Variants in ADAMTSL3 observed in about 807,000 individuals in gnomAD.
ADAMTSL3 encodes ADAMTS-like protein 3.
ADAMTSL3 carries 128 observed loss-of-function variants against 201.7 expected under a neutral mutation model. The observed-to-expected ratio is 0.63, with a 90% CI of 0.55 to 0.73. The LOEUF (loss-of-function observed/expected upper bound fraction) is 0.73, where lower values mean the gene tolerates loss of function less well. Ranked by LOEUF, ADAMTSL3 falls within the 30% of genes least tolerant of loss-of-function variation. The pLI, the probability that ADAMTSL3 is intolerant of heterozygous loss-of-function variation, is 0.00. For synonymous variants in ADAMTSL3, 738 were observed against 748.4 expected (o/e 0.99, Z 0.23); for missense variants, 1,990 against 2,119.6 (o/e 0.94, Z 1.20).
intron 5 of ADAMTSL3, among the ~76,000 whole-genome samples, chr15:83,819,219 C>A (rs538874308): frequency 6.8e-6 from 1 of 146,232 alleles, no homozygotes; most frequent in South Asian, 2.2e-4. Context: ...TGCAGTGAGC[C>A]GAGCCACTGC....
At chr15:83,822,221 G>A (rs1464756078) in intron 6 of ADAMTSL3, among the ~76,000 whole-genome samples, 41 of 131,894 alleles carry the variant, frequency 3.1e-4, no homozygotes, top group South Asian at 1.0e-3. Flanking sequence ...GGGCGGAGAC[G>A]CTCCTCACTT....
At position 83,983,040 on chromosome 15, in the gene ADAMTSL3, T is replaced by C; in HGVS notation, c.3412T>C (p.Trp1138Arg). 10 of 1,614,058 alleles carry C rather than the reference T, an allele frequency of 6.2e-6. No individual in the cohort carries two copies. The highest frequency in any genetic ancestry group is 1.3e-5 in the African/African-American group (1 of 74,998). Reference protein sequence around the residue: ...LAKAQPTHMQWRGIQEETPPA... With the variant: ...LAKAQPTHMQRRGIQEETPPA... ...CAAGGCACAGCCAACACACATGCAG[T>C]GGCGGGGCATCCAGGAAGAGACACC... is the stretch of plus-strand genomic sequence containing the variant. The change falls in exon 21 of 30, where the codon TGG becomes CGG. Residue 1138 changes from tryptophan (W) to arginine (R), a missense_variant. Coordinates refer to ENST00000286744, the MANE Select transcript of ADAMTSL3 (RefSeq NM_207517.3).
At chr15:83,836,280 C>G (rs1029039291) in intron 6 of ADAMTSL3, among the ~76,000 whole-genome samples, 7 of 152,162 alleles carry the variant, frequency 4.6e-5, no homozygotes, top group Admixed American at 2.6e-4. Flanking sequence ...TTCAAACTTT[C>G]TCATATTGAA....
At chr15:83,911,847 T>C (rs1248115870) in intron 15 of ADAMTSL3, among the ~76,000 whole-genome samples, 2 of 152,216 alleles carry the variant, frequency 1.3e-5, no homozygotes, top group Admixed American at 1.3e-4. Context: ...ACAAACATCT[T>C]AGCAGTGTTT....
intron 4 of ADAMTSL3, among the ~76,000 whole-genome samples, chr15:83,790,766 T>C (rs1221722440): frequency 2.0e-5 from 3 of 152,142 alleles, no homozygotes; most frequent in African/African-American, 7.2e-5. Context: ...CCAAGAAATC[T>C]ACAAGGTAAC....
chr15:83,906,084 G>A (rs1033595104), intron 15 of ADAMTSL3, among the ~76,000 whole-genome samples: 17 of 151,974 alleles, frequency 1.1e-4, no homozygotes, highest in African/African-American at 3.6e-4. Flanking sequence ...TTAAAATGAC[G>A]TCATTGTACA....
chr15:83,946,438 G>T (rs563479647), intron 19 of ADAMTSL3, among the ~76,000 whole-genome samples: 1 of 152,122 alleles, frequency 6.6e-6, no homozygotes, highest in South Asian at 2.1e-4. Flanking sequence ...CAGCATTTCC[G>T]ACTTTTAAAT....
chr15:83,881,989 T>C (rs548094436), intron 9 of ADAMTSL3, among the ~76,000 whole-genome samples: 1 of 151,470 alleles, frequency 6.6e-6, no homozygotes, highest in East Asian at 1.9e-4. Context: ...CTATCTCTAC[T>C]AAAAAAAATA....
rs866910304 is a variant in ADAMTSL3, at chr15:83,714,896, T to C, written c.189+10388T>C. Among the ~76,000 whole-genome samples the C allele has an allele frequency of 1.1e-3, 53 of 49,120 alleles. 1 individual carries two copies. The highest frequency in any genetic ancestry group is 1.4e-3 in the East Asian group (2 of 1,450). 32.2% of individuals were successfully genotyped at this position (49,120 alleles called of 152,430 possible). On this transcript the variant is annotated intron_variant, in intron 3 of 29. Transcript: ENST00000286744. ...TCCCTCCCTTCCTTCCTTCCTTCCT[T>C]CCTTCCTTCCTTCCTTCCTTCCTTC...
At position 83,885,172 on chromosome 15, in the gene ADAMTSL3, A is replaced by G. The variant is rs963334475; in HGVS notation, c.1032A>G (p.Arg344=). 1 of 1,614,116 alleles carries G rather than the reference A, an allele frequency of 6.2e-7. No individual in the cohort carries two copies. The highest frequency in any genetic ancestry group is 1.3e-5 in the African/African-American group (1 of 75,056). The change falls in exon 10 of 30, where the codon AGA becomes AGG. Residue 344 remains arginine (R), a synonymous_variant. Coordinates refer to ENST00000286744, the MANE Select transcript of ADAMTSL3 (RefSeq NM_207517.3). ...ACCAGCCCATCAGTCATCAGTGGAG[A>G]CAAACTGACTTCTTTCCCTGCACTG... ...FFYQPISHQW[R]QTDFFPCTVT...
At chr15:83,978,413 C>CTCT (rs1000549949) in intron 20 of ADAMTSL3, among the ~76,000 whole-genome samples, 7 of 151,910 alleles carry the variant, frequency 4.6e-5, no homozygotes, top group Non-Finnish European at 7.4e-5. Context: ...TGGGTTAATG[C>CTCT]TCTTGCACAG....
chr15:84,013,765 C>G (rs2068043010), intron 23 of ADAMTSL3, among the ~76,000 whole-genome samples: 1 of 152,040 alleles, frequency 6.6e-6, no homozygotes, highest in Non-Finnish European at 1.5e-5. Flanking sequence ...GAGCCTCCAT[C>G]TCAAAAAGAA....
intron 3 of ADAMTSL3, among the ~76,000 whole-genome samples, chr15:83,735,341 T>C (rs1244667993): frequency 6.6e-6 from 1 of 152,146 alleles, no homozygotes; most frequent in African/African-American, 2.4e-5. Flanking sequence ...CACAGATTCA[T>C]AAGATAATAA....
intron 3 of ADAMTSL3, among the ~76,000 whole-genome samples, chr15:83,733,858 C>T (rs991889857): frequency 3.9e-5 from 6 of 152,082 alleles, no homozygotes; most frequent in Admixed American, 1.3e-4. Flanking sequence ...ATTTATTTGG[C>T]GTAGTGCCCA....
intron 4 of ADAMTSL3, among the ~76,000 whole-genome samples, chr15:83,795,074 G>A (rs1226821662): frequency 6.6e-6 from 1 of 151,906 alleles, no homozygotes; most frequent in Non-Finnish European, 1.5e-5. Context: ...GGCTGGTCTC[G>A]AACTCCTGAC....
chr15:83,864,297 A>G (rs982716144), intron 8 of ADAMTSL3, among the ~76,000 whole-genome samples: 2 of 152,214 alleles, frequency 1.3e-5, no homozygotes, highest in Non-Finnish European at 2.9e-5. Context: ...AAAGCCTGGC[A>G]GAGACACAAC....
At chr15:83,878,994 G>T (rs577974752) in intron 9 of ADAMTSL3, among the ~76,000 whole-genome samples, 6 of 151,756 alleles carry the variant, frequency 4.0e-5, no homozygotes, top group Non-Finnish European at 8.8e-5. Context: ...TCTTATGTCC[G>T]TTTTGTTTCA....
chr15:83,719,115 C>T (rs1478075189), intron 3 of ADAMTSL3, among the ~76,000 whole-genome samples: 1 of 152,214 alleles, frequency 6.6e-6, no homozygotes, highest in Non-Finnish European at 1.5e-5. Flanking sequence ...GAACCCAGTA[C>T]TACCCATGTA....
chr15:83,722,087 G>A (rs2141577579), intron 3 of ADAMTSL3, among the ~76,000 whole-genome samples: 1 of 152,290 alleles, frequency 6.6e-6, no homozygotes, highest in East Asian at 1.9e-4. Flanking sequence ...AAACTCATGA[G>A]GCAGGACAGA....
Sources: allele counts gnomAD v4.1 joint callset (sites outside exome capture counted in the v4.1 genomes callset), GRCh38; gene constraint gnomAD v4.1.1; transcripts MANE v1.5; gene names NCBI Gene and HGNC (gene_info 2026-07-23, HGNC 2026-07-21).